KCNT2: variants seen among roughly 807,000 people sequenced by gnomAD.
The protein encoded by KCNT2 is potassium channel subfamily T member 2.
KCNT2 carries 67 observed loss-of-function variants against 153.8 expected under a neutral mutation model. That is an observed-to-expected ratio of 0.44 (90% CI 0.36 to 0.53). The LOEUF (loss-of-function observed/expected upper bound fraction) is 0.53, where lower values mean the gene tolerates loss of function less well. KCNT2 is among the 20% of genes least tolerant of loss of function. The pLI, the probability that KCNT2 is intolerant of heterozygous loss-of-function variation, is 0.00. For missense variants in KCNT2, 975 were observed against 1,354.8 expected (o/e 0.72, Z 4.40); for synonymous variants, 500 against 458.8 (o/e 1.09, Z -1.15).
At chr1:196,346,722 ATGAAAT>A (rs1666174624) in intron 14 of KCNT2, among the ~76,000 whole-genome samples, 1 of 152,116 alleles carries the variant, frequency 6.6e-6, no homozygotes, top group African/African-American at 2.4e-5. Flanking sequence ...ATAAATTTGG[ATGAAAT>A]TGACATCTTT....
At chr1:196,379,746 A>G (rs1669316881) in intron 13 of KCNT2, among the ~76,000 whole-genome samples, 1 of 152,132 alleles carries the variant, frequency 6.6e-6, no homozygotes, top group South Asian at 2.1e-4. Context: ...ACATAAGCAC[A>G]TGAGATCAAG....
chr1:196,435,145 A>G (rs1367268588), intron 8 of KCNT2, among the ~76,000 whole-genome samples: 11 of 98,558 alleles, frequency 1.1e-4, no homozygotes, highest in African/African-American at 3.2e-4. Context: ...GTATGTATAT[A>G]TATATATATA....
At chr1:196,375,388 G>A (rs1238802236) in intron 13 of KCNT2, among the ~76,000 whole-genome samples, 2 of 151,772 alleles carry the variant, frequency 1.3e-5, no homozygotes, top group Non-Finnish European at 3.0e-5. Context: ...TGTATGCACT[G>A]TTCCTTTGTA....
chr1:196,410,107 T>C (rs1031711662), intron 12 of KCNT2, among the ~76,000 whole-genome samples: 8 of 151,734 alleles, frequency 5.3e-5, no homozygotes, highest in African/African-American at 1.9e-4. Context: ...TTTGGAGATA[T>C]TTCCATTCAA....
At chr1:196,475,756 G>C (rs993002462) in intron 5 of KCNT2, among the ~76,000 whole-genome samples, 1 of 152,166 alleles carries the variant, frequency 6.6e-6, no homozygotes, top group Non-Finnish European at 1.5e-5. Flanking sequence ...GGACCAAAGA[G>C]ATTCACAGAT....
intron 22 of KCNT2, among the ~76,000 whole-genome samples, chr1:196,305,021 A>G (rs1244458097): frequency 6.6e-6 from 1 of 152,170 alleles, no homozygotes; most frequent in African/African-American, 2.4e-5. Flanking sequence ...ATAGAACAAA[A>G]TATCTCCATC....
At chr1:196,451,752 A>C (rs115351331) in intron 8 of KCNT2, among the ~76,000 whole-genome samples, 187 of 151,982 alleles carry the variant, frequency 1.2e-3, no homozygotes, top group Non-Finnish European at 2.3e-3. Flanking sequence ...TGAAGGAACT[A>C]ATCTGTATTT....
At chr1:196,385,780 T>C (rs2039820) in intron 13 of KCNT2, among the ~76,000 whole-genome samples, 11 of 135,676 alleles carry the variant, frequency 8.1e-5, no homozygotes, top group Non-Finnish European at 1.3e-4. Context: ...AAAATATATA[T>C]ATATATATAT....
In KCNT2 at chr1:196,489,952, T is replaced by C. The variant is rs758622029; in HGVS notation, c.176-15A>G. 3.1e-6 allele frequency: 4 copies of C among 1,289,548 alleles called. No individual in the cohort carries two copies. Among genetic ancestry groups the C allele is most frequent in the Non-Finnish European group, 3.2e-6 (3 of 936,026 alleles). The allele number at this position is 1,289,548 out of a possible 1,614,324, so 79.9% of individuals were successfully genotyped here. ...TATCCTTAGACCTTTAAACAAATGA[T>C]AAAAGTTTGATTTTCATCTGAACTT... On this transcript the variant is annotated splice_polypyrimidine_tract_variant and intron_variant, in intron 2 of 27. Transcript: ENST00000294725.
chr1:196,291,180 C>A (rs1186923203), intron 22 of KCNT2, among the ~76,000 whole-genome samples: 1 of 151,922 alleles, frequency 6.6e-6, no homozygotes, highest in African/African-American at 2.4e-5. Context: ...AACTCTGTTT[C>A]AAAACCATCT....
At chr1:196,385,340 C>T (rs1328055466) in intron 13 of KCNT2, among the ~76,000 whole-genome samples, 3 of 152,080 alleles carry the variant, frequency 2.0e-5, no homozygotes, top group Non-Finnish European at 4.4e-5. Context: ...AATTGTGACA[C>T]AATGGTGAGC....
intron 10 of KCNT2, among the ~76,000 whole-genome samples, chr1:196,427,123 C>T (rs903573463): frequency 6.6e-6 from 1 of 151,706 alleles, no homozygotes; most frequent in Non-Finnish European, 1.5e-5. Flanking sequence ...GATAAGTAAG[C>T]TTGAAATTAA....
At chr1:196,384,276 G>C (rs1232479676) in intron 13 of KCNT2, among the ~76,000 whole-genome samples, 2 of 152,048 alleles carry the variant, frequency 1.3e-5, no homozygotes, top group Admixed American at 6.6e-5. Flanking sequence ...GTAAAGTTTT[G>C]TTTGATAAAA....
chr1:196,344,808 T>G (rs1665993821), intron 14 of KCNT2, among the ~76,000 whole-genome samples: 2 of 152,206 alleles, frequency 1.3e-5, no homozygotes, highest in Admixed American at 1.3e-4. Context: ...CTTATTGCCT[T>G]GCTATTTTAT....
chr1:196,505,291 C>G lies in KCNT2; in HGVS notation c.96-12950G>C, dbSNP rs1681038404. 2.0e-5 allele frequency among the ~76,000 whole-genome samples: 3 copies of G among 152,144 alleles called. No individual in the cohort carries two copies. In the South Asian group the frequency reaches 6.2e-4, roughly 31 times the overall value. Reference sequence around the variant, plus strand: ...GTGTAAGGAAGGGATCCAGTTTCAGCTTTCTACATATGGCTAACCAGTTTT... The same window carrying G: ...GTGTAAGGAAGGGATCCAGTTTCAGGTTTCTACATATGGCTAACCAGTTTT... On this transcript the variant is annotated intron_variant, in intron 1 of 27. Transcript: ENST00000294725.
chr1:196,284,172 AGTGAGCC>A (rs1435681095), intron 23 of KCNT2, among the ~76,000 whole-genome samples: 1 of 140,062 alleles, frequency 7.1e-6, no homozygotes, highest in Non-Finnish European at 1.5e-5. Context: ...TAGAGGTTGC[AGTGAGCC>A]GAGATCGCAC....
chr1:196,333,079 T>C (rs73065831), intron 17 of KCNT2, among the ~76,000 whole-genome samples: 29,219 of 151,500 alleles, frequency 0.19, 3,669 homozygotes, highest in African/African-American at 0.35. Flanking sequence ...TGTGAGCCAC[T>C]GTGCCCAGCT....
At chr1:196,352,181 C>T (rs930067397) in intron 14 of KCNT2, among the ~76,000 whole-genome samples, 7 of 151,912 alleles carry the variant, frequency 4.6e-5, no homozygotes, top group Admixed American at 3.3e-4. Flanking sequence ...TTGGTTGTGT[C>T]TCTGCCCGGC....
At chr1:196,572,514 A>C (rs1419802163) in intron 1 of KCNT2, among the ~76,000 whole-genome samples, 1 of 152,072 alleles carries the variant, frequency 6.6e-6, no homozygotes, top group Non-Finnish European at 1.5e-5. Flanking sequence ...GCTAAGGAAA[A>C]AGTATTCAAA....
Sources: gnomAD v4.1 joint callset for allele counts (sites outside exome capture counted in the v4.1 genomes callset) on GRCh38, gnomAD v4.1.1 for gene constraint, MANE v1.5 for transcripts, NCBI Gene and HGNC (gene_info 2026-07-23, HGNC 2026-07-21) for gene names.